The following EYS variants were observed in gnomAD, a reference collection of about 807,000 sequenced individuals.
The protein encoded by EYS is protein eyes shut homolog.
In EYS, 250 loss-of-function variants were observed where a neutral mutation model predicts 282.1. The observed-to-expected ratio is 0.89, with a 90% CI of 0.80 to 0.98. The LOEUF is 0.98. EYS is among the 50% of genes least tolerant of loss of function. The pLI is 0.00. For missense variants in EYS, 4,016 were observed against 3,709.0 expected (o/e 1.08, Z -2.15); for synonymous variants, 1,355 against 1,282.9 (o/e 1.06, Z -1.20).
At chr6:64,190,770 A>G (rs1404539289) in intron 31 of EYS, among the ~76,000 whole-genome samples, 1 of 152,108 alleles carries the variant, frequency 6.6e-6, no homozygotes, top group Non-Finnish European at 1.5e-5. Context: ...AAGAAAATGG[A>G]AGTCAAAATT....
intron 22 of EYS, among the ~76,000 whole-genome samples, chr6:64,785,789 T>C (rs6929009): frequency 0.41 from 63,013 of 152,070 alleles, 15,562 homozygotes; most frequent in Admixed American, 0.59. Flanking sequence ...TTGCTGGAGG[T>C]ATAAATTTAA....
chr6:65,098,303 C>A (rs1198357572), intron 12 of EYS, among the ~76,000 whole-genome samples: 1 of 150,774 alleles, frequency 6.6e-6, no homozygotes, highest in Non-Finnish European at 1.5e-5. Context: ...ATATTTGTAA[C>A]TTTGGAGATG....
intron 28 of EYS, among the ~76,000 whole-genome samples, chr6:64,432,157 C>T (rs540207571): frequency 4.6e-5 from 7 of 152,108 alleles, no homozygotes; most frequent in African/African-American, 1.7e-4. Context: ...AGAATAGGAA[C>T]CACCTGCTGC....
chr6:64,411,650 C>A (rs1773894966), intron 28 of EYS, among the ~76,000 whole-genome samples: 1 of 151,904 alleles, frequency 6.6e-6, no homozygotes, highest in African/African-American at 2.4e-5. Context: ...CCAGACCAGC[C>A]TGGACAACAT....
intron 12 of EYS, among the ~76,000 whole-genome samples, chr6:65,206,835 T>C (rs1766048339): frequency 1.3e-5 from 2 of 151,754 alleles, no homozygotes; most frequent in Non-Finnish European, 1.5e-5. Context: ...TTCTTCAAGA[T>C]GAAAACCCTC....
chr6:63,777,024 G>T (rs1392454790), intron 40 of EYS, among the ~76,000 whole-genome samples: 4 of 152,144 alleles, frequency 2.6e-5, no homozygotes, highest in African/African-American at 9.7e-5. Context: ...AATTATAGTG[G>T]TAAAGCTAAT....
intron 2 of EYS, among the ~76,000 whole-genome samples, chr6:65,616,920 A>T (rs531519375): frequency 6.6e-6 from 1 of 152,334 alleles, no homozygotes; most frequent in East Asian, 1.9e-4. Flanking sequence ...TGAAGCTTTT[A>T]AAAATGTTAT....
chr6:65,044,776 T>C (rs1370703109), intron 13 of EYS, among the ~76,000 whole-genome samples: 1 of 151,832 alleles, frequency 6.6e-6, no homozygotes, highest in Non-Finnish European at 1.5e-5. Context: ...ATTCAGGCAT[T>C]AACAAAGGAT....
chr6:63,755,455 T>C (rs1769454394), intron 41 of EYS, among the ~76,000 whole-genome samples: 1 of 152,236 alleles, frequency 6.6e-6, no homozygotes, highest in Admixed American at 6.5e-5. Flanking sequence ...TGTGGTGTTA[T>C]TTCTGAGGCC....
chr6:65,207,361 G>GAA (rs67058673), intron 12 of EYS, among the ~76,000 whole-genome samples: 3,189 of 147,456 alleles, frequency 0.022, 104 homozygotes, highest in African/African-American at 0.074. Flanking sequence ...AGACACTGAT[G>GAA]AAAAAAAAAA....
intron 8 of EYS, among the ~76,000 whole-genome samples, chr6:65,382,444 A>G (rs1765649270): frequency 2.0e-5 from 2 of 100,326 alleles, no homozygotes; most frequent in East Asian, 3.1e-4. Flanking sequence ...CTATCTTTGA[A>G]GTCTCCTTTC....
Position 65,434,399 on chromosome 6 carries a change from C to T in EYS, c.863-29032G>A, listed in dbSNP as rs898680120. On this transcript the variant is annotated intron_variant, in intron 5 of 42. Coordinates refer to ENST00000503581, the MANE Select transcript of EYS (RefSeq NM_001142800.2). Reference sequence around the variant, plus strand: ...GCAGTGGTGCAATCTCGGCTCACTGCAAGCTCTGCCTCCCACGTTCACGCC... The same window carrying T: ...GCAGTGGTGCAATCTCGGCTCACTGTAAGCTCTGCCTCCCACGTTCACGCC... 2.6e-5 allele frequency among the ~76,000 whole-genome samples: 4 copies of T among 151,316 alleles called. No homozygotes were observed. In the South Asian group the frequency reaches 8.3e-4, roughly 32 times the overall value.
At chr6:64,507,498 A>G (rs1390235097) in intron 26 of EYS, among the ~76,000 whole-genome samples, 1 of 152,232 alleles carries the variant, frequency 6.6e-6, no homozygotes, top group Non-Finnish European at 1.5e-5. Flanking sequence ...TATTCATCAT[A>G]TAAGGCATCT....
At chr6:64,636,410 C>T (rs542221415) in intron 22 of EYS, among the ~76,000 whole-genome samples, 183 of 152,268 alleles carry the variant, frequency 1.2e-3, no homozygotes, top group African/African-American at 4.3e-3. Context: ...AAACTGGATC[C>T]CGTCCTTACA....
At chr6:65,049,302 T>C (rs983811172) in intron 13 of EYS, among the ~76,000 whole-genome samples, 1 of 151,824 alleles carries the variant, frequency 6.6e-6, no homozygotes, top group African/African-American at 2.4e-5. Flanking sequence ...CTAAACTGAA[T>C]GTCTTTGAGG....
At chr6:65,585,782 A>G (rs1765022608) in intron 2 of EYS, among the ~76,000 whole-genome samples, 1 of 151,864 alleles carries the variant, frequency 6.6e-6, no homozygotes, top group Non-Finnish European at 1.5e-5. Context: ...TAATAAAAGT[A>G]AACTATATGA....
At chr6:65,684,579 A>G (rs994717987) in intron 1 of EYS, among the ~76,000 whole-genome samples, 5 of 152,016 alleles carry the variant, frequency 3.3e-5, no homozygotes, top group African/African-American at 7.2e-5. Context: ...TTGGTAATAT[A>G]CATGAACCTA....
At chr6:64,498,530 T>C (rs902980432) in intron 26 of EYS, among the ~76,000 whole-genome samples, 2 of 152,046 alleles carry the variant, frequency 1.3e-5, no homozygotes, top group Non-Finnish European at 2.9e-5. Flanking sequence ...TAGGTAAACA[T>C]GTGCCATGGT....
At chr6:64,588,511 C>T (rs998873260) in intron 26 of EYS, among the ~76,000 whole-genome samples, 5 of 152,120 alleles carry the variant, frequency 3.3e-5, no homozygotes, top group East Asian at 1.9e-4. Flanking sequence ...CCTGTCTGTT[C>T]TTATTGGATT....
Sources: allele counts gnomAD v4.1 joint callset (sites outside exome capture counted in the v4.1 genomes callset), GRCh38; gene constraint gnomAD v4.1.1; transcripts MANE v1.5; gene names NCBI Gene and HGNC (gene_info 2026-07-23, HGNC 2026-07-21).